PGM5: variants seen among roughly 807,000 people sequenced by gnomAD.
PGM5 encodes phosphoglucomutase 5.
A neutral mutation model predicts 59.2 loss-of-function variants in PGM5; 23 were observed. The ratio of observed to expected loss-of-function variants is 0.39; its 90% CI spans 0.28 to 0.55. The LOEUF (loss-of-function observed/expected upper bound fraction) is 0.55. Ranked by LOEUF, PGM5 falls within the 20% of genes least tolerant of loss-of-function variation. The pLI, the probability that PGM5 is intolerant of heterozygous loss-of-function variation, is 0.66. For missense variants in PGM5, 574 were observed against 748.3 expected (o/e 0.77, Z 2.72); for synonymous variants, 214 against 286.0 (o/e 0.75, Z 2.54).
At chr9:68,500,576 C>G (rs1015490052) in intron 10 of PGM5, among the ~76,000 whole-genome samples, 16 of 152,158 alleles carry the variant, frequency 1.1e-4, no homozygotes, top group African/African-American at 3.6e-4. Flanking sequence ...ATGGGACACA[C>G]TCTGCCAAAA....
intron 7 of PGM5, 98 bp from the exon 8 acceptor site, chr9:68,479,320 T>A: frequency 9.0e-7 from 1 of 1,109,386 alleles, no homozygotes; most frequent in Non-Finnish European, 1.3e-6. Context: ...CAATCATTTC[T>A]ACATAACATT....
chr9:68,450,710 T>C (rs868948769), intron 6 of PGM5, among the ~76,000 whole-genome samples: 9 of 152,352 alleles, frequency 5.9e-5, no homozygotes, highest in Middle Eastern at 6.8e-3. Flanking sequence ...AAATATGTTA[T>C]AAGTGAAGGA....
intron 6 of PGM5, among the ~76,000 whole-genome samples, chr9:68,444,454 C>A (rs547670207): frequency 2.3e-4 from 35 of 152,090 alleles, no homozygotes; most frequent in Non-Finnish European, 4.9e-4. Flanking sequence ...TAAGGAGTAA[C>A]CCAGAATCAA....
chr9:68,407,104 G>A (rs1822837134), intron 6 of PGM5, among the ~76,000 whole-genome samples: 1 of 151,946 alleles, frequency 6.6e-6, no homozygotes, highest in Admixed American at 6.6e-5. Context: ...CATATATTGA[G>A]CCTTTCAGTT....
chr9:68,422,769 G>A lies in PGM5; in HGVS notation c.1043+30296G>A, dbSNP rs542988030. Among the ~76,000 whole-genome samples the A allele has an allele frequency of 2.0e-5, 3 of 152,290 alleles. No individual in the cohort carries two copies. In the East Asian group the frequency reaches 5.8e-4, roughly 29 times the overall value. ...GGTTATTGGGAAACAGGTGGTGTTT[G>A]GTTACATGAGTAAGTTCTTTAGTGG... On this transcript the variant is annotated intron_variant, in intron 6 of 10. Transcript: ENST00000396396.
At chr9:68,422,214 A>G (rs1443286484) in intron 6 of PGM5, among the ~76,000 whole-genome samples, 1 of 152,162 alleles carries the variant, frequency 6.6e-6, no homozygotes, top group African/African-American at 2.4e-5. Context: ...TAATTTATTG[A>G]CCTGAAAAAA....
At chr9:68,476,077 G>A (rs1252926803) in intron 7 of PGM5, among the ~76,000 whole-genome samples, 2 of 152,082 alleles carry the variant, frequency 1.3e-5, no homozygotes, top group Non-Finnish European at 2.9e-5. Context: ...CTACTTCATT[G>A]AATGTCCTAT....
intron 6 of PGM5, among the ~76,000 whole-genome samples, chr9:68,430,288 T>G (rs1222684373): frequency 6.6e-6 from 1 of 152,218 alleles, no homozygotes; most frequent in African/African-American, 2.4e-5. Flanking sequence ...TTTCTAAATT[T>G]TTATGCCTGC....
chr9:68,388,061 A>G (rs1373758681), intron 4 of PGM5, among the ~76,000 whole-genome samples: 20 of 144,534 alleles, frequency 1.4e-4, no homozygotes, highest in African/African-American at 5.1e-4. Flanking sequence ...AGCATTACTG[A>G]ATTCATACTA....
intron 10 of PGM5, among the ~76,000 whole-genome samples, chr9:68,511,545 C>CATTT (rs1824749788): frequency 1.6e-5 from 1 of 62,730 alleles, no homozygotes; most frequent in Admixed American, 2.8e-4. Context: ...TTGTTTTTGC[C>CATTT]TTTTTTTTTT....
At chr9:68,365,521 A>C (rs1221847233) in intron 1 of PGM5, among the ~76,000 whole-genome samples, 2 of 152,202 alleles carry the variant, frequency 1.3e-5, no homozygotes, top group Admixed American at 1.3e-4. Flanking sequence ...AATATCTTAC[A>C]TATCTTACAT....
At chr9:68,367,781 A>C (rs1165574531) in intron 1 of PGM5, among the ~76,000 whole-genome samples, 1 of 151,346 alleles carries the variant, frequency 6.6e-6, no homozygotes. Flanking sequence ...TTATTTTCCA[A>C]CCAGACAGAA....
chr9:68,391,391 G>C, intron 4 of PGM5, 143 bp from the exon 5 acceptor site: 2 of 675,200 alleles, frequency 3.0e-6, no homozygotes, highest in East Asian at 2.9e-5. Flanking sequence ...AGCAAATATT[G>C]TTCTATATTG....
At position 68,357,161 on chromosome 9, in the gene PGM5, C is replaced by T; in HGVS notation, c.34C>T (p.Pro12Ser). The T allele has an allele frequency of 6.5e-7, 1 of 1,534,922 alleles. No homozygotes were observed. Among genetic ancestry groups the T allele is most frequent in the Non-Finnish European group, 8.7e-7 (1 of 1,144,834 alleles). Residue 12 changes from proline (P) to serine (S), a missense_variant, in exon 1 of 11, where the codon CCC becomes TCC. Physicochemically the swap from Pro to Ser is moderately conservative, Grantham distance 74. This residue lies in a region of PGM5 where 60 missense variants were observed against 71.0 expected (regional missense o/e 0.85). Coordinates refer to ENST00000396396, the MANE Select transcript of PGM5 (RefSeq NM_021965.4). The part of the protein sequence containing the change: ...EGSPIPVLTV[P>S]TAPYEDQRPA... Reference sequence around the variant, plus strand: ...GAGCCCCATCCCGGTGCTGACAGTGCCCACCGCGCCCTACGAGGACCAGCG... The same window carrying T: ...GAGCCCCATCCCGGTGCTGACAGTGTCCACCGCGCCCTACGAGGACCAGCG...
chr9:68,448,911 A>G (rs1446461797), intron 6 of PGM5, among the ~76,000 whole-genome samples: 2 of 152,200 alleles, frequency 1.3e-5, no homozygotes, highest in Non-Finnish European at 2.9e-5. Context: ...CTCTCATTCT[A>G]GACTTCTTCA....
intron 1 of PGM5, among the ~76,000 whole-genome samples, chr9:68,360,123 A>G (rs1191060792): frequency 6.6e-6 from 1 of 152,158 alleles, no homozygotes; most frequent in Non-Finnish European, 1.5e-5. Context: ...ATGAACCACC[A>G]TGCCCAGCCT....
chr9:68,514,805 A>G (rs1309687534), intron 10 of PGM5, among the ~76,000 whole-genome samples: 1 of 152,184 alleles, frequency 6.6e-6, no homozygotes, highest in Non-Finnish European at 1.5e-5. Context: ...TTTCTTCCTC[A>G]TTTAGGAAAA....
intron 10 of PGM5, among the ~76,000 whole-genome samples, chr9:68,510,033 C>CA (rs1554689261): frequency 6.6e-6 from 1 of 151,966 alleles, no homozygotes; most frequent in African/African-American, 2.4e-5. Context: ...AAACCACTGT[C>CA]ACTTTCTCAG....
chr9:68,520,188 T>C (rs180985583), intron 10 of PGM5, among the ~76,000 whole-genome samples: 3 of 151,266 alleles, frequency 2.0e-5, no homozygotes, highest in Non-Finnish European at 3.0e-5. Flanking sequence ...GAAAAAGATA[T>C]ACAAATGATA....
Sources: gnomAD v4.1 joint callset for allele counts (sites outside exome capture counted in the v4.1 genomes callset) on GRCh38, gnomAD v4.1.1 for gene constraint, gnomAD v4.1.1 regional missense constraint, MANE v1.5 for transcripts, NCBI Gene and HGNC (gene_info 2026-07-23, HGNC 2026-07-21) for gene names.